Variants in STAG1 observed in about 807,000 individuals in gnomAD.
The protein encoded by STAG1 is STAG1 cohesin complex component.
A neutral mutation model predicts 170.9 loss-of-function variants in STAG1; 26 were observed. That is an observed-to-expected ratio of 0.15 (90% CI 0.11 to 0.21). The LOEUF is 0.21. Among genes scored for constraint, STAG1 ranks in the 10% least tolerant of loss-of-function variants. The pLI is 1.00. For missense variants in STAG1, 964 were observed against 1,509.5 expected (o/e 0.64, Z 5.99); for synonymous variants, 514 against 497.7 (o/e 1.03, Z -0.44).
At chr3:136,441,720 T>C (rs991814234) in intron 15 of STAG1, among the ~76,000 whole-genome samples, 2 of 152,064 alleles carry the variant, frequency 1.3e-5, no homozygotes, top group African/African-American at 4.8e-5. Context: ...TCCAAAAGGA[T>C]GAACCACACA....
chr3:136,641,825 T>C (rs1004809229), intron 1 of STAG1, among the ~76,000 whole-genome samples: 1 of 152,200 alleles, frequency 6.6e-6, no homozygotes, highest in African/African-American at 2.4e-5. Context: ...TTATGTAAGA[T>C]ATTGGCAGTT....
Position 136,544,140 on chromosome 3 carries a change from T to C in STAG1, c.395-1945A>G, listed in dbSNP as rs1936036329. On this transcript the variant is annotated intron_variant, in intron 5 of 33. Coordinates refer to ENST00000383202, the MANE Select transcript of STAG1 (RefSeq NM_005862.3). ...AGGTCCAACAGCACTAAACACCCTGTTCAAAATGCCTAGTACCTATCATAG... is the reference window on the plus strand; with the variant it reads ...AGGTCCAACAGCACTAAACACCCTGCTCAAAATGCCTAGTACCTATCATAG... Among the ~76,000 whole-genome samples the C allele has an allele frequency of 2.0e-5, 3 of 152,156 alleles. No individual in the cohort carries two copies. In the South Asian group the frequency reaches 6.2e-4, roughly 32 times the overall value.
intron 1 of STAG1, among the ~76,000 whole-genome samples, chr3:136,715,922 A>T (rs904716767): frequency 1.3e-5 from 2 of 151,638 alleles, no homozygotes; most frequent in Non-Finnish European, 2.9e-5. Flanking sequence ...ACGTGGCAAA[A>T]CGCTGTTTCT....
chr3:136,402,851 C>T (rs376694472), intron 21 of STAG1, among the ~76,000 whole-genome samples: 1 of 151,796 alleles, frequency 6.6e-6, no homozygotes, highest in South Asian at 2.1e-4. Context: ...AATAAATTTT[C>T]AGGTTTCAGA....
intron 1 of STAG1, among the ~76,000 whole-genome samples, chr3:136,719,647 G>C (rs1933100114): frequency 8.2e-6 from 1 of 122,342 alleles, no homozygotes; most frequent in Admixed American, 8.5e-5. Context: ...GGGTAGGTGG[G>C]TAGGTGGGTG....
At chr3:136,508,727 C>T (rs1933893196) in intron 7 of STAG1, among the ~76,000 whole-genome samples, 1 of 152,188 alleles carries the variant, frequency 6.6e-6, no homozygotes, top group South Asian at 2.1e-4. Flanking sequence ...GAGTTTCTAG[C>T]CTGCTCCACA....
chr3:136,631,454 CAT>C (rs1382379431), intron 1 of STAG1, among the ~76,000 whole-genome samples: 2 of 152,102 alleles, frequency 1.3e-5, no homozygotes, highest in Non-Finnish European at 2.9e-5. Context: ...GGCAGTGAAA[CAT>C]GTGTGATGGA....
At position 136,354,754 on chromosome 3, in the gene STAG1, C is replaced by CAAAAAAAAAAAAAAAAAAAAAA; in HGVS notation, c.3065+2965_3065+2966insTTTTTTTTTTTTTTTTTTTTTT. ...AAGAAGGCAGTAAAGGAGAAAGAACCAAAAAAAAAAAAAACCAAAAAACAA... is the reference window on the plus strand; with the variant it reads ...AAGAAGGCAGTAAAGGAGAAAGAACCAAAAAAAAAAAAAAAAAAAAAAAAAAAAAAAAAAAACCAAAAAACAA... On this transcript the variant is annotated intron_variant, in intron 28 of 33. Coordinates refer to ENST00000383202, the MANE Select transcript of STAG1 (RefSeq NM_005862.3). 2.3e-3 allele frequency among the ~76,000 whole-genome samples: 15 copies of CAAAAAAAAAAAAAAAAAAAAAA among 6,492 alleles called. 2 individuals are homozygous for CAAAAAAAAAAAAAAAAAAAAAA. Among genetic ancestry groups the CAAAAAAAAAAAAAAAAAAAAAA allele is most frequent in the South Asian group, 0.015 (1 of 66 alleles). The allele number at this position is 6,492 out of a possible 152,430, so 4.3% of individuals were successfully genotyped here.
chr3:136,543,754 G>A (rs2107728897), intron 5 of STAG1, among the ~76,000 whole-genome samples: 1 of 152,238 alleles, frequency 6.6e-6, no homozygotes, highest in African/African-American at 2.4e-5. Flanking sequence ...CTACTGCCTG[G>A]AACATTACTT....
rs2087133979 is a variant in STAG1 at position 136,395,885 on chromosome 3, C to T, written c.2277+2864G>A. On this transcript the variant is annotated intron_variant, in intron 22 of 33. Transcript: ENST00000383202. The stretch of plus-strand genomic sequence containing the variant: ...AAATTTTAATATATAAATTCAATCT[C>T]CTTTGACTTTACTATATTAAATAAC... 2.0e-5 allele frequency among the ~76,000 whole-genome samples: 3 copies of T among 152,140 alleles called. 1 individual carries two copies. In the South Asian group the frequency reaches 6.2e-4, roughly 31 times the overall value.
At chr3:136,407,772 T>C (rs1303971559) in intron 21 of STAG1, among the ~76,000 whole-genome samples, 1 of 152,014 alleles carries the variant, frequency 6.6e-6, no homozygotes, top group African/African-American at 2.4e-5. Flanking sequence ...TGTATTTTAA[T>C]TTAAAAAGCA....
At chr3:136,372,828 G>A (rs574381365) in intron 23 of STAG1, among the ~76,000 whole-genome samples, 13 of 152,218 alleles carry the variant, frequency 8.5e-5, no homozygotes, top group East Asian at 3.9e-4. Context: ...TTGTGTCTCC[G>A]CCAGGCTTTG....
At chr3:136,470,139 T>C (rs2089586090) in intron 12 of STAG1, among the ~76,000 whole-genome samples, 1 of 151,996 alleles carries the variant, frequency 6.6e-6, no homozygotes, top group African/African-American at 2.4e-5. Flanking sequence ...ACAAATGGGA[T>C]CCAATTAACC....
intron 1 of STAG1, among the ~76,000 whole-genome samples, chr3:136,632,718 A>G (rs1940379988): frequency 1.3e-5 from 2 of 152,144 alleles, no homozygotes; most frequent in Non-Finnish European, 2.9e-5. Flanking sequence ...CGCATGCCCA[A>G]GGCTAAAAGC....
chr3:136,487,096 C>T (rs1336173612), intron 9 of STAG1, among the ~76,000 whole-genome samples: 1 of 150,090 alleles, frequency 6.7e-6, no homozygotes, highest in African/African-American at 2.5e-5. Context: ...TGGTCTGCTG[C>T]ACCTATTGAC....
chr3:136,477,364 T>C lies in STAG1; in HGVS notation c.951A>G (p.Val317=), dbSNP rs868245049. 3 of 1,612,850 alleles carry C rather than the reference T, an allele frequency of 1.9e-6. No homozygotes were observed. Among genetic ancestry groups the C allele is most frequent in the East Asian group, 2.2e-5 (1 of 44,780 alleles). The stretch of plus-strand genomic sequence containing the variant: ...AGGCATCACTATACATTTTCATCCA[T>C]ACTCCAATTTCTTCAATACAAATGG... The part of the protein sequence containing the change: ...IRAICIEEIG[V]WMKMYSDAFL... Residue 317 remains valine (V), a synonymous_variant, in exon 10 of 34, where the codon GTA becomes GTG. Coordinates refer to ENST00000383202, the MANE Select transcript of STAG1 (RefSeq NM_005862.3).
intron 6 of STAG1, among the ~76,000 whole-genome samples, chr3:136,537,077 AT>A (rs1262486116): frequency 1.3e-5 from 2 of 152,104 alleles, no homozygotes; most frequent in African/African-American, 4.8e-5. Flanking sequence ...AGTCATCCCA[AT>A]TTTTTAATTA....
Position 136,713,311 on chromosome 3 carries a change from G to C in STAG1, c.-84+38884C>G, listed in dbSNP as rs549044587. Among the ~76,000 whole-genome samples the C allele has an allele frequency of 5.9e-4, 90 of 152,154 alleles. 1 individual carries two copies. The highest frequency in any genetic ancestry group is 9.8e-4 in the Admixed American group (15 of 15,258). ...CAAAAAATAGTGTGCAGCCAAGCAT[G>C]GTGGCTCACTCCTGTAATCCCAGCA... On this transcript the variant is annotated intron_variant, in intron 1 of 33. Transcript: ENST00000383202.
chr3:136,407,174 G>C (rs2087508112), intron 21 of STAG1, among the ~76,000 whole-genome samples: 1 of 151,794 alleles, frequency 6.6e-6, no homozygotes, highest in South Asian at 2.1e-4. Flanking sequence ...TTACAGGCAT[G>C]TGCCACCATG....
Sources: allele counts gnomAD v4.1 joint callset (sites outside exome capture counted in the v4.1 genomes callset), GRCh38; gene constraint gnomAD v4.1.1; transcripts MANE v1.5; gene names NCBI Gene and HGNC (gene_info 2026-07-23, HGNC 2026-07-21).